Variants in RSPH14 observed in about 807,000 individuals in gnomAD.
RSPH14 encodes radial spoke head 14 homolog.
Under a neutral mutation model 26.7 loss-of-function variants are expected in RSPH14, and 20 were observed. That is an observed-to-expected ratio of 0.75 (90% CI 0.53 to 1.09). RSPH14 has a LOEUF of 1.09. Among genes scored for constraint, RSPH14 ranks in the 50% least tolerant of loss-of-function variants. RSPH14 has a pLI of 0.00. For synonymous variants in RSPH14, 177 were observed against 189.3 expected, an observed-to-expected ratio of 0.93 and a Z score of 0.53; for missense variants, 449 against 457.2, an observed-to-expected ratio of 0.98 and a Z score of 0.16.
the RSPH14 span, among the ~76,000 whole-genome samples, chr22:23,174,580 C>T: frequency 6.6e-6 from 1 of 151,896 alleles, no homozygotes; most frequent in African/African-American, 2.4e-5. Flanking sequence ...CTAATTGTGG[C>T]GATGGCTTCA....
chr22:23,157,956 G>T, the RSPH14 span: 24 of 1,613,748 alleles, frequency 1.5e-5, no homozygotes, highest in Middle Eastern at 1.6e-4. Flanking sequence ...GCCTCGCCTG[G>T]CACTGATTGG....
At chr22:23,079,069 G>C (rs2068596588) in intron 4 of RSPH14, among the ~76,000 whole-genome samples, 1 of 152,234 alleles carries the variant, frequency 6.6e-6, no homozygotes, top group Non-Finnish European at 1.5e-5. Context: ...CCTGCTTGGT[G>C]CTAGGTCCAT....
chr22:23,135,046 C>T (rs932606495), intron 3 of RSPH14, among the ~76,000 whole-genome samples: 1 of 152,084 alleles, frequency 6.6e-6, no homozygotes, highest in African/African-American at 2.4e-5. Context: ...TGGTGTGTGC[C>T]TGTGTTCCCA....
At chr22:23,153,253 T>C in the RSPH14 span, 2 of 770,996 alleles carry the variant, frequency 2.6e-6, no homozygotes, top group African/African-American at 3.5e-5. Flanking sequence ...AAGCAGAGCC[T>C]GGGGGTGTTG....
intron 4 of RSPH14, among the ~76,000 whole-genome samples, chr22:23,069,918 A>G (rs1404435404): frequency 6.6e-6 from 1 of 152,162 alleles, no homozygotes; most frequent in Non-Finnish European, 1.5e-5. Flanking sequence ...AGAGCTCACA[A>G]GAGGCCGAAC....
At chr22:23,095,014 T>C (rs2069082801) in intron 4 of RSPH14, among the ~76,000 whole-genome samples, 1 of 152,190 alleles carries the variant, frequency 6.6e-6, no homozygotes, top group South Asian at 2.1e-4. Flanking sequence ...CACCCTCCTC[T>C]CCCTCATGCA....
At chr22:23,080,370 C>T (rs2068641486) in intron 4 of RSPH14, among the ~76,000 whole-genome samples, 1 of 151,526 alleles carries the variant, frequency 6.6e-6, no homozygotes, top group Non-Finnish European at 1.5e-5. Flanking sequence ...CATCTCATCT[C>T]CCCGGTCATC....
chr22:23,178,339 C>T, the RSPH14 span, among the ~76,000 whole-genome samples: 216 of 151,876 alleles, frequency 1.4e-3, 2 homozygotes, highest in South Asian at 4.2e-3. Flanking sequence ...TCACTTGAAC[C>T]CAGGAGGCAG....
intron 1 of RSPH14, among the ~76,000 whole-genome samples, chr22:23,140,832 C>T (rs1311037345): frequency 6.6e-6 from 1 of 152,162 alleles, no homozygotes; most frequent in South Asian, 2.1e-4. Flanking sequence ...AAGTAGTATC[C>T]AATTCAACTA....
intron 4 of RSPH14, among the ~76,000 whole-genome samples, chr22:23,108,318 T>A (rs1036578454): frequency 2.6e-5 from 4 of 152,234 alleles, no homozygotes; most frequent in Non-Finnish European, 5.9e-5. Context: ...CAGGGGCCAA[T>A]GGTGCTAAAA....
intron 4 of RSPH14, among the ~76,000 whole-genome samples, chr22:23,118,248 C>T (rs1014885695): frequency 6.6e-6 from 1 of 152,242 alleles, no homozygotes; most frequent in Non-Finnish European, 1.5e-5. Flanking sequence ...ATCACCTCAC[C>T]ATTCCCCGAC....
the RSPH14 span, chr22:23,150,162 T>C: frequency 6.2e-7 from 1 of 1,604,994 alleles, no homozygotes; most frequent in Non-Finnish European, 8.5e-7. Flanking sequence ...CGGGTGAGCC[T>C]GCAGGGTGTG....
intron 4 of RSPH14, among the ~76,000 whole-genome samples, chr22:23,069,423 T>C (rs181402762): frequency 5.9e-5 from 9 of 152,332 alleles, no homozygotes; most frequent in African/African-American, 2.2e-4. Flanking sequence ...TGAGAGTCTT[T>C]TAAGCATGGA....
chr22:23,152,664 G>A, the RSPH14 span: 2 of 846,202 alleles, frequency 2.4e-6, no homozygotes, highest in South Asian at 3.1e-5. Flanking sequence ...CCTGCTGGGA[G>A]CCGGATAAGA....
At chr22:23,085,140 C>G (rs940627290) in intron 4 of RSPH14, among the ~76,000 whole-genome samples, 1 of 152,176 alleles carries the variant, frequency 6.6e-6, no homozygotes, top group South Asian at 2.1e-4. Context: ...AGGCTAAGCC[C>G]GTCTGCTGCA....
chr22:23,059,476 C>T lies in RSPH14; in HGVS notation c.1033G>A (p.Glu345Lys). The change falls in exon 7 of 7, where the codon GAG becomes AAG. Residue 345 changes from glutamate (E) to lysine (K), a missense_variant. Coordinates refer to ENST00000216036, the MANE Select transcript of RSPH14 (RefSeq NM_014433.3). ...RAARIAISVIEFKP is the reference protein window; with the variant it reads ...RAARIAISVIKFKP ...GAATGAAGGGCTCAGGGTTTGAACTCGATGACACTGATGGCGATCCGGGCT... is the reference window on the plus strand; with the variant it reads ...GAATGAAGGGCTCAGGGTTTGAACTTGATGACACTGATGGCGATCCGGGCT... 2 of 1,609,554 alleles carry T rather than the reference C, an allele frequency of 1.2e-6. No homozygotes were observed. Among genetic ancestry groups the T allele is most frequent in the South Asian group, 1.1e-5 (1 of 90,764 alleles).
chr22:23,161,074 C>T, the RSPH14 span: 3 of 1,509,066 alleles, frequency 2.0e-6, no homozygotes, highest in East Asian at 4.6e-5. Context: ...TCCTCGTCAC[C>T]TGAGGCCTTG....
chr22:23,177,431 G>C, the RSPH14 span, among the ~76,000 whole-genome samples: 1 of 152,254 alleles, frequency 6.6e-6, no homozygotes, highest in African/African-American at 2.4e-5. Context: ...CTTACTCTGA[G>C]CTCACTATAT....
At chr22:23,090,508 C>A (rs2068942140) in intron 4 of RSPH14, among the ~76,000 whole-genome samples, 1 of 152,174 alleles carries the variant, frequency 6.6e-6, no homozygotes, top group Non-Finnish European at 1.5e-5. Context: ...GCACTTCTCA[C>A]CCAAACCCTG....
Sources: gnomAD v4.1 joint callset for allele counts (sites outside exome capture counted in the v4.1 genomes callset) on GRCh38, gnomAD v4.1.1 for gene constraint, MANE v1.5 for transcripts, NCBI Gene and HGNC (gene_info 2026-07-23, HGNC 2026-07-21) for gene names.